The following AZGP1 variants were observed in gnomAD, a reference collection of about 807,000 sequenced individuals.
AZGP1 encodes alpha-2-glycoprotein 1, zinc-binding, also known as zinc-alpha-2-glycoprotein.
A neutral mutation model predicts 31.5 loss-of-function variants in AZGP1; 28 were observed. That is an observed-to-expected ratio of 0.89 (90% CI 0.66 to 1.22). The LOEUF is 1.22. AZGP1 is among the 50% of genes most tolerant of loss of function. The pLI, the probability that AZGP1 is intolerant of heterozygous loss-of-function variation, is 0.00. For missense variants in AZGP1, 361 were observed against 371.8 expected (o/e 0.97, Z 0.24); for synonymous variants, 135 against 145.4 (o/e 0.93, Z 0.51).
At chr7:99,972,809 G>A (rs867109555) in intron 1 of AZGP1, among the ~76,000 whole-genome samples, 15 of 150,586 alleles carry the variant, frequency 1.0e-4, no homozygotes, top group African/African-American at 3.2e-4. Context: ...GTGAGACTCC[G>A]TCTCAAAAAA....
At chr7:99,974,139 A>G (rs541896984) in intron 1 of AZGP1, among the ~76,000 whole-genome samples, 1 of 152,122 alleles carries the variant, frequency 6.6e-6, no homozygotes, top group Non-Finnish European at 1.5e-5. Context: ...CGTGTGTGGC[A>G]GTGTACACCC....
At position 99,969,403 on chromosome 7, in the gene AZGP1, A is replaced by G. The variant is rs1210748620; in HGVS notation, c.338-973T>C. 2.3e-4 allele frequency among the ~76,000 whole-genome samples: 12 copies of G among 51,280 alleles called. 1 individual carries two copies. In the South Asian group the frequency reaches 9.3e-3, roughly 40 times the overall value. The allele number at this position is 51,280 out of a possible 152,430, so 33.6% of individuals were successfully genotyped here. ...CAGCCTGAAAGACAGAGCAAGACTCAGTCTTAAAAAAAAAAAAAAAATTAA... is the reference window on the plus strand; with the variant it reads ...CAGCCTGAAAGACAGAGCAAGACTCGGTCTTAAAAAAAAAAAAAAAATTAA... On this transcript the variant is annotated intron_variant, in intron 2 of 3. Transcript: ENST00000292401.
intron 2 of AZGP1, among the ~76,000 whole-genome samples, chr7:99,969,408 T>C (rs1258956351): frequency 7.1e-6 from 1 of 141,330 alleles, no homozygotes. Flanking sequence ...GACTCAGTCT[T>C]AAAAAAAAAA....
chr7:99,970,234 CTTTTT>C (rs869171961), intron 2 of AZGP1, among the ~76,000 whole-genome samples: 1 of 115,590 alleles, frequency 8.7e-6, no homozygotes, highest in East Asian at 2.1e-4. Context: ...CTATTATTTC[CTTTTT>C]TTGTTTTTTG....
chr7:99,967,957 C>T lies in AZGP1; in HGVS notation c.613+198G>A, dbSNP rs1789512450. 3.8e-6 allele frequency: 3 copies of T among 782,776 alleles called. No individual in the cohort carries two copies. The Admixed American group carries it at 8.3e-5, about 22-fold the overall frequency. 48.5% of individuals were successfully genotyped at this position (782,776 alleles called of 1,614,324 possible). ...AGAATGGCCTTCCTGGCCCATTCTG[C>T]CTGAAATTTTGATGATGTTCTTTTT... On this transcript the variant is annotated intron_variant, in intron 3 of 3. Transcript: ENST00000292401.
At position 99,966,849 on chromosome 7, in the gene AZGP1, T is replaced by A. The variant is rs1789486660; in HGVS notation, c.*154A>T. On this transcript the variant is annotated 3_prime_UTR_variant, in exon 4 of 4. Transcript: ENST00000292401. ...TCTACTCAAGACAGGCATCCCAGTCTTCGGTCTCCAAATCCACCTCCTGTC... is the reference window on the plus strand; with the variant it reads ...TCTACTCAAGACAGGCATCCCAGTCATCGGTCTCCAAATCCACCTCCTGTC... 1 of 1,197,384 alleles carries A rather than the reference T, an allele frequency of 8.4e-7. No individual in the cohort carries two copies. Among genetic ancestry groups the A allele is most frequent in the Non-Finnish European group, 1.2e-6 (1 of 858,882 alleles). 74.2% of individuals were successfully genotyped at this position (1,197,384 alleles called of 1,614,324 possible).
intron 2 of AZGP1, among the ~76,000 whole-genome samples, chr7:99,969,080 C>T (rs781395143): frequency 6.6e-6 from 1 of 150,424 alleles, no homozygotes; most frequent in Non-Finnish European, 1.5e-5. Context: ...TCGAGACCAG[C>T]CTGGCCAATA....
intron 3 of AZGP1, 102 bp from the exon 4 acceptor site, chr7:99,967,388 C>T: frequency 7.4e-7 from 1 of 1,342,500 alleles, no homozygotes; most frequent in Non-Finnish European, 1.0e-6. Flanking sequence ...CAGCAGAGCT[C>T]GAAGCTCTGT....
intron 1 of AZGP1, among the ~76,000 whole-genome samples, chr7:99,973,424 G>C (rs990223141): frequency 6.6e-6 from 1 of 152,142 alleles, no homozygotes; most frequent in African/African-American, 2.4e-5. Context: ...TCTTGCTCCT[G>C]AGTGTCTAAA....
chr7:99,973,804 G>A lies in AZGP1; in HGVS notation c.77-1798C>T, dbSNP rs146055748. On this transcript the variant is annotated intron_variant, in intron 1 of 3. Transcript: ENST00000292401. ...GGTGGCACACACCTGTAGTCCCAGC[G>A]ACTCAGAAGGCTGAGGCAGGAGAAT... is the stretch of plus-strand genomic sequence containing the variant. Among the ~76,000 whole-genome samples the A allele has an allele frequency of 8.6e-5, 13 of 150,684 alleles. No homozygotes were observed. The East Asian group carries it at 1.6e-3, about 18-fold the overall frequency.
At chr7:99,974,337 C>T (rs189118551) in intron 1 of AZGP1, among the ~76,000 whole-genome samples, 4 of 152,070 alleles carry the variant, frequency 2.6e-5, no homozygotes, top group East Asian at 1.9e-4. Flanking sequence ...CCTGTAATCC[C>T]GGCACTTTGG....
Position 99,971,878 on chromosome 7 carries a change from G to C in AZGP1, c.205C>G (p.Gln69Glu). Residue 69 changes from glutamine to glutamate, a missense_variant, in exon 2 of 4, where the codon CAG (glutamine) becomes GAG (glutamate). Coordinates refer to ENST00000292401, the MANE Select transcript of AZGP1 (RefSeq NM_001185.4). ...ACCTGTCTCCAGAGTCCCATGGGCT[G>C]AGACTTCCTGTCTTTACTGTTGTAT... The part of the protein sequence containing the change: ...FRYNSKDRKS[Q>E]PMGLWRQVEG... 6.2e-7 allele frequency: 1 copy of C among 1,614,192 alleles called. No homozygotes were observed. The highest frequency in any genetic ancestry group is 8.5e-7 in the Non-Finnish European group (1 of 1,180,042).
In AZGP1 at chr7:99,968,467, C is replaced by T. The variant is rs756068472; in HGVS notation, c.338-37G>A. ...CCCGACCCCACAGAGAGACAGTCAG[C>T]CTGGTGAGAAATTTATCAAAATAAC... On this transcript the variant is annotated intron_variant, in intron 2 of 3. Transcript: ENST00000292401. The T allele has an allele frequency of 3.1e-6, 5 of 1,595,052 alleles. No homozygotes were observed. The South Asian group carries it at 5.7e-5, about 18-fold the overall frequency.
chr7:99,966,986 C>A lies in AZGP1; in HGVS notation c.*17G>T. ...CTACTGGGTCTGAGATCCCACATTG[C>A]CTCCAACCCTTGCTTCCTAGCTGGC... On this transcript the variant is annotated 3_prime_UTR_variant, in exon 4 of 4. Coordinates refer to ENST00000292401, the MANE Select transcript of AZGP1 (RefSeq NM_001185.4). 2 of 1,610,130 alleles carry A rather than the reference C, an allele frequency of 1.2e-6. No individual in the cohort carries two copies. Among genetic ancestry groups the A allele is most frequent in the Non-Finnish European group, 1.7e-6 (2 of 1,177,548 alleles).
intron 2 of AZGP1, among the ~76,000 whole-genome samples, chr7:99,969,700 A>T (rs973235155): frequency 6.6e-6 from 1 of 152,182 alleles, no homozygotes; most frequent in African/African-American, 2.4e-5. Context: ...AACTACACCA[A>T]AGTGTACTTC....
chr7:99,975,063 A>ACT (rs755784739), intron 1 of AZGP1, among the ~76,000 whole-genome samples: 152 of 150,872 alleles, frequency 1.0e-3, no homozygotes, highest in Non-Finnish European at 1.7e-3. Flanking sequence ...ATAAATCTCT[A>ACT]CTCTCTCTCT....
At position 99,971,989 on chromosome 7, in the gene AZGP1, A is replaced by T. The variant is rs1261463834; in HGVS notation, c.94T>A (p.Tyr32Asn). Residue 32 changes from tyrosine to asparagine, a missense_variant, in exon 2 of 4, where the codon TAT (tyrosine) becomes AAT (asparagine). By Grantham distance (143) the Tyr-to-Asn change is moderately radical. Coordinates refer to ENST00000292401, the MANE Select transcript of AZGP1 (RefSeq NM_001185.4). ...ENQDGRYSLT[Y>N]IYTGLSKHVE... Reference sequence around the variant, plus strand: ...TGCTTGGACAGCCCAGTGTAGATATAGGTCAGAGAGTAACGACCTGCAAAA... The same window carrying T: ...TGCTTGGACAGCCCAGTGTAGATATTGGTCAGAGAGTAACGACCTGCAAAA... 2 of 1,607,334 alleles carry T rather than the reference A, an allele frequency of 1.2e-6. No individual in the cohort carries two copies. The highest frequency in any genetic ancestry group is 1.7e-6 in the Non-Finnish European group (2 of 1,176,766).
rs530597189 is a variant in AZGP1 at position 99,971,282 on chromosome 7, A to G, written c.337+464T>C. Among the ~76,000 whole-genome samples, 29 of 152,340 alleles carry G rather than the reference A, an allele frequency of 1.9e-4. 1 individual carries two copies. The highest frequency in any genetic ancestry group is 6.5e-4 in the African/African-American group (27 of 41,576). The stretch of plus-strand genomic sequence containing the variant: ...TTTGGAGGTAGGTCTCAGTGCTCCA[A>G]TGTTTGCAGATTTCAACCAGATATT... On this transcript the variant is annotated intron_variant, in intron 2 of 3. Transcript: ENST00000292401.
chr7:99,970,183 A>G (rs977935591), intron 2 of AZGP1, among the ~76,000 whole-genome samples: 1 of 152,154 alleles, frequency 6.6e-6, no homozygotes, highest in Non-Finnish European at 1.5e-5. Context: ...ATGCTCATAG[A>G]TGGGCCTGGC....
Sources: allele counts gnomAD v4.1 joint callset (sites outside exome capture counted in the v4.1 genomes callset), GRCh38; gene constraint gnomAD v4.1.1; transcripts MANE v1.5; gene names NCBI Gene and HGNC (gene_info 2026-07-23, HGNC 2026-07-21).